TBC1D5: variants seen among roughly 807,000 people sequenced by gnomAD.
TBC1D5 encodes the protein TBC1 domain family, member 5.
A neutral mutation model predicts 100.3 loss-of-function variants in TBC1D5; 75 were observed. The ratio of observed to expected loss-of-function variants is 0.75; its 90% confidence interval spans 0.62 to 0.91. The LOEUF (loss-of-function observed/expected upper bound fraction) is 0.91, where lower values mean the gene tolerates loss of function less well. TBC1D5 is among the 40% of genes least tolerant of loss of function. The pLI is 0.00. For synonymous variants in TBC1D5, 323 were observed against 325.6 expected (o/e 0.99, Z 0.09); for missense variants, 910 against 942.4 (o/e 0.97, Z 0.45).
At chr3:17,379,850 G>A (rs1395012959) in intron 9 of TBC1D5, among the ~76,000 whole-genome samples, 2 of 151,948 alleles carry the variant, frequency 1.3e-5, no homozygotes, top group Non-Finnish European at 2.9e-5. Context: ...ACAATATAGT[G>A]TAACAATATT....
chr3:17,596,315 C>CTTTTTTTT (rs397874911), intron 2 of TBC1D5, among the ~76,000 whole-genome samples: 1 of 126,010 alleles, frequency 7.9e-6, no homozygotes, highest in Non-Finnish European at 1.7e-5. Context: ...TCCAGCTTTC[C>CTTTTTTTT]TTTTTTTTTT....
intron 15 of TBC1D5, among the ~76,000 whole-genome samples, chr3:17,271,090 C>T (rs1219223235): frequency 6.6e-6 from 1 of 152,118 alleles, no homozygotes; most frequent in African/African-American, 2.4e-5. Context: ...ATTGCTTTGG[C>T]TATTCAGGCT....
At chr3:17,243,309 T>C (rs1413514270) in intron 16 of TBC1D5, among the ~76,000 whole-genome samples, 1 of 152,170 alleles carries the variant, frequency 6.6e-6, no homozygotes, top group Non-Finnish European at 1.5e-5. Flanking sequence ...AATATGTGCT[T>C]ATTGAATTTC....
intron 14 of TBC1D5, among the ~76,000 whole-genome samples, chr3:17,305,876 T>C (rs1469120458): frequency 2.0e-5 from 3 of 152,190 alleles, no homozygotes; most frequent in African/African-American, 4.8e-5. Flanking sequence ...TGCTCTTCTC[T>C]CCTTCGATTT....
chr3:17,470,344 C>T (rs2095358333), intron 3 of TBC1D5, among the ~76,000 whole-genome samples: 1 of 152,066 alleles, frequency 6.6e-6, no homozygotes, highest in Non-Finnish European at 1.5e-5. Context: ...ACATAAAGCA[C>T]CATTGCTTAT....
At chr3:17,591,248 AAAAAAAAAAAAAAAAAAAC>A (rs1484776618) in intron 2 of TBC1D5, among the ~76,000 whole-genome samples, 32 of 137,420 alleles carry the variant, frequency 2.3e-4, no homozygotes, top group South Asian at 1.2e-3. Flanking sequence ...AAAAAAAAAA[AAAAAAAAAAAAAAAAAAAC>A]AAAAACCCCA....
At chr3:17,449,209 A>G (rs2149683027) in intron 3 of TBC1D5, among the ~76,000 whole-genome samples, 1 of 152,282 alleles carries the variant, frequency 6.6e-6, no homozygotes, top group Middle Eastern at 3.4e-3. Context: ...TCCAGCCCAG[A>G]TACTATGCTT....
At chr3:17,683,726 G>A (rs1465195663) in intron 1 of TBC1D5, among the ~76,000 whole-genome samples, 1 of 152,110 alleles carries the variant, frequency 6.6e-6, no homozygotes, top group Non-Finnish European at 1.5e-5. Flanking sequence ...CAATCAGCAA[G>A]CTACTTAACA....
chr3:17,161,130 G>A (rs1352920183), exon 22 of TBC1D5: 1 of 1,614,222 alleles, frequency 6.2e-7, no homozygotes, highest in Non-Finnish European at 8.5e-7. Flanking sequence ...GTGCTTCTGA[G>A]GGTGCGAAGA....
At chr3:17,682,802 T>C (rs938805635) in intron 1 of TBC1D5, among the ~76,000 whole-genome samples, 1 of 151,616 alleles carries the variant, frequency 6.6e-6, no homozygotes, top group African/African-American at 2.4e-5. Context: ...GTAACATTAT[T>C]TACTTGAAAA....
intron 2 of TBC1D5, among the ~76,000 whole-genome samples, chr3:17,558,964 A>C (rs2096539272): frequency 6.6e-6 from 1 of 152,150 alleles, no homozygotes; most frequent in Non-Finnish European, 1.5e-5. Context: ...GTTCTAAATC[A>C]CATGTTTAAC....
At chr3:17,731,223 C>T (rs2076525716) in intron 1 of TBC1D5, among the ~76,000 whole-genome samples, 1 of 152,134 alleles carries the variant, frequency 6.6e-6, no homozygotes, top group Non-Finnish European at 1.5e-5. Flanking sequence ...GGTCATGAGG[C>T]TGGGTGCAGT....
At chr3:17,593,800 T>C (rs1346473785) in intron 2 of TBC1D5, among the ~76,000 whole-genome samples, 1 of 152,202 alleles carries the variant, frequency 6.6e-6, no homozygotes, top group African/African-American at 2.4e-5. Context: ...GGAATGGCCT[T>C]TTGAAGTCAC....
chr3:17,729,473 C>T (rs2076386668), intron 1 of TBC1D5, among the ~76,000 whole-genome samples: 1 of 152,046 alleles, frequency 6.6e-6, no homozygotes, highest in Admixed American at 6.6e-5. Flanking sequence ...TTTGGGAGGC[C>T]AAGGCAGACA....
chr3:17,579,790 C>A (rs773956319), intron 2 of TBC1D5, among the ~76,000 whole-genome samples: 26 of 152,020 alleles, frequency 1.7e-4, no homozygotes, highest in Non-Finnish European at 2.8e-4. Context: ...GAAAGCAAAA[C>A]CACAGATAAG....
At chr3:17,164,936 T>C (rs2066441591) in intron 21 of TBC1D5, among the ~76,000 whole-genome samples, 1 of 152,226 alleles carries the variant, frequency 6.6e-6, no homozygotes, top group Admixed American at 6.5e-5. Flanking sequence ...GTACTAGCTT[T>C]GTATAAACTG....
Position 17,373,299 on chromosome 3 carries a change from G to C in TBC1D5, c.823-1052C>G, listed in dbSNP as rs141882502. 1.3e-3 allele frequency among the ~76,000 whole-genome samples: 201 copies of C among 152,142 alleles called. 1 individual carries two copies. Among genetic ancestry groups the C allele is most frequent in the Non-Finnish European group, 2.3e-3 (153 of 67,976 alleles). The stretch of plus-strand genomic sequence containing the variant: ...TTAAGAGATGGAATGAAGTGACTGA[G>C]TAATAATGGTTTCTAACCAGAAAGC... On this transcript the variant is annotated intron_variant, in intron 12 of 21. Transcript: ENST00000253692.
intron 1 of TBC1D5, among the ~76,000 whole-genome samples, chr3:17,701,028 T>C (rs1334215684): frequency 6.6e-6 from 1 of 152,052 alleles, no homozygotes; most frequent in Non-Finnish European, 1.5e-5. Context: ...GACACATGCA[T>C]ACGTATGTTT....
chr3:17,433,264 C>T (rs1200664462), intron 3 of TBC1D5, among the ~76,000 whole-genome samples: 2 of 152,200 alleles, frequency 1.3e-5, no homozygotes, highest in African/African-American at 2.4e-5. Context: ...ACAAGCCAAA[C>T]TAAACACCCG....
Sources: gnomAD v4.1 joint callset for allele counts (sites outside exome capture counted in the v4.1 genomes callset) on GRCh38, gnomAD v4.1.1 for gene constraint, MANE v1.5 for transcripts, NCBI Gene and HGNC (gene_info 2026-07-23, HGNC 2026-07-21) for gene names.